TMEM47: variants seen among roughly 807,000 people sequenced by gnomAD.
The protein encoded by TMEM47 is transmembrane protein 47, also known as brain cell membrane protein 1.
In TMEM47, 3 loss-of-function variants were observed where a neutral mutation model predicts 12.4. That is an observed-to-expected ratio of 0.24 (90% confidence interval 0.11 to 0.63). The LOEUF (loss-of-function observed/expected upper bound fraction) is 0.63, where lower values mean the gene tolerates loss of function less well. TMEM47 is among the 20% of genes least tolerant of loss of function. The pLI, the probability that TMEM47 is intolerant of heterozygous loss-of-function variation, is 0.86. For missense variants in TMEM47, 89 were observed against 143.8 expected, an observed-to-expected ratio of 0.62 and a Z score of 1.95; for synonymous variants, 62 against 63.3, an observed-to-expected ratio of 0.98 and a Z score of 0.10.
At chrX:34,631,612 C>G (rs1437768289) in intron 2 of TMEM47, among the ~76,000 whole-genome samples, 2 of 111,967 alleles carry the variant, frequency 1.8e-5, no homozygotes, top group African/African-American at 3.2e-5. Context: ...CAAAACTTAG[C>G]TCTTAGTCCC....
intron 1 of TMEM47, among the ~76,000 whole-genome samples, chrX:34,653,556 T>C (rs185524148): frequency 1.4e-3 from 159 of 111,597 alleles, no homozygotes; most frequent in Non-Finnish European, 2.1e-3. Context: ...TCCTTAGAGG[T>C]TATAGAGCAC....
At chrX:34,654,329 T>C (rs927780879) in intron 1 of TMEM47, among the ~76,000 whole-genome samples, 16 of 111,814 alleles carry the variant, frequency 1.4e-4, no homozygotes, top group African/African-American at 2.9e-4. Flanking sequence ...TTAAAGATCC[T>C]GGTGAAGGGC....
intron 1 of TMEM47, among the ~76,000 whole-genome samples, chrX:34,646,387 G>T (rs1921911272): frequency 8.9e-6 from 1 of 111,789 alleles, no homozygotes; most frequent in African/African-American, 3.2e-5. Flanking sequence ...GTTAAGGCAA[G>T]TTCCAGTATT....
intron 2 of TMEM47, among the ~76,000 whole-genome samples, chrX:34,638,698 TC>T (rs1480175919): frequency 4.4e-5 from 5 of 112,404 alleles, no homozygotes. Context: ...TCCCGTCTTT[TC>T]ATTTCATTGG....
At chrX:34,653,838 A>G (rs1336395266) in intron 1 of TMEM47, among the ~76,000 whole-genome samples, 2 of 111,570 alleles carry the variant, frequency 1.8e-5, no homozygotes, top group Admixed American at 1.9e-4. Context: ...GCGTATTCTA[A>G]ACTTCCTAAC....
intron 2 of TMEM47, among the ~76,000 whole-genome samples, chrX:34,633,916 G>T (rs1464666030): frequency 9.0e-6 from 1 of 110,987 alleles, no homozygotes; most frequent in African/African-American, 3.3e-5. Flanking sequence ...TGAATTATTC[G>T]ACTCCCTTTG....
Position 34,630,093 on chromosome X carries a change from T to C in TMEM47, c.*220A>G. On this transcript the variant is annotated 3_prime_UTR_variant, in exon 3 of 3. Transcript: ENST00000275954. ...ATGAACATATTGGAAGTTTGCAGCA[T>C]TTGCCTATGTCTAATCAGCTCTCTT... The C allele has an allele frequency of 6.1e-6, 2 of 329,161 alleles. No individual in the cohort carries two copies. The highest frequency in any genetic ancestry group is 2.6e-5 in the African/African-American group (1 of 38,942). 27.1% of individuals were successfully genotyped at this position (329,161 alleles called of 1,213,427 possible). A position where few individuals can be genotyped will look rare whatever the true frequency, so the allele number is the denominator to read the frequency against.
intron 1 of TMEM47, among the ~76,000 whole-genome samples, chrX:34,654,393 C>T (rs1456235373): frequency 8.9e-6 from 1 of 111,777 alleles, no homozygotes; most frequent in East Asian, 2.8e-4. Context: ...TTTTGAAAGA[C>T]AAAGATGTGG....
At chrX:34,632,861 C>T (rs1921650116) in intron 2 of TMEM47, among the ~76,000 whole-genome samples, 1 of 111,264 alleles carries the variant, frequency 9.0e-6, no homozygotes, top group African/African-American at 3.3e-5. Flanking sequence ...GAAAAGGGAG[C>T]TTTCATGTTT....
chrX:34,640,012 C>T (rs1212286237), intron 1 of TMEM47, among the ~76,000 whole-genome samples: 4 of 111,443 alleles, frequency 3.6e-5, no homozygotes, highest in African/African-American at 1.3e-4. Flanking sequence ...TTTTTTATTG[C>T]TATTTCTTGG....
At chrX:34,631,570 C>T (rs763380027) in intron 2 of TMEM47, among the ~76,000 whole-genome samples, 2 of 111,965 alleles carry the variant, frequency 1.8e-5, no homozygotes, top group South Asian at 7.4e-4. Flanking sequence ...TACAGGAAAA[C>T]CTAGGCCAAT....
intron 2 of TMEM47, among the ~76,000 whole-genome samples, chrX:34,636,342 G>A (rs1921715983): frequency 9.0e-6 from 1 of 111,521 alleles, no homozygotes; most frequent in Non-Finnish European, 1.9e-5. Flanking sequence ...AATCCTTATA[G>A]GAGGCTTTCT....
In TMEM47 at chrX:34,645,619, A is replaced by G. The variant is rs1921897206; in HGVS notation, c.227-6232T>C. Reference sequence around the variant, plus strand: ...TGCATTCTGACCTAAATTTGTCAATACTGCATTAATTTTCCACCACTCTGT... The same window carrying G: ...TGCATTCTGACCTAAATTTGTCAATGCTGCATTAATTTTCCACCACTCTGT... On this transcript the variant is annotated intron_variant, in intron 1 of 2. Coordinates refer to ENST00000275954, the MANE Select transcript of TMEM47 (RefSeq NM_031442.4). Among the ~76,000 whole-genome samples, 4 of 111,909 alleles carry G rather than the reference A, an allele frequency of 3.6e-5. No individual in the cohort carries two copies. The Admixed American group carries it at 3.8e-4, about 11-fold the overall frequency.
intron 1 of TMEM47, among the ~76,000 whole-genome samples, chrX:34,641,404 A>T (rs370502277): frequency 1.3e-4 from 15 of 112,203 alleles, no homozygotes; most frequent in African/African-American, 4.8e-4. Context: ...ACTGTTAGCA[A>T]CTTTCCCTAA....
intron 1 of TMEM47, among the ~76,000 whole-genome samples, chrX:34,644,750 G>A (rs1342803451): frequency 9.0e-6 from 1 of 111,692 alleles, no homozygotes; most frequent in African/African-American, 3.2e-5. Context: ...TACTGTTTAG[G>A]TGGGTAGTAT....
At chrX:34,656,402 C>A (rs1013329348) in intron 1 of TMEM47, among the ~76,000 whole-genome samples, 25 of 109,914 alleles carry the variant, frequency 2.3e-4, no homozygotes, top group Non-Finnish European at 4.0e-4. Flanking sequence ...GAACAGCGAA[C>A]CCCCGCAGCA....
intron 2 of TMEM47, among the ~76,000 whole-genome samples, chrX:34,633,549 A>T (rs751610557): frequency 2.4e-4 from 27 of 111,576 alleles, no homozygotes; most frequent in Non-Finnish European, 4.7e-4. Context: ...ACAGCCTGTG[A>T]ACCATATCTG....
intron 2 of TMEM47, among the ~76,000 whole-genome samples, chrX:34,634,062 G>A (rs1392226672): frequency 6.3e-5 from 7 of 110,495 alleles, no homozygotes; most frequent in Non-Finnish European, 1.1e-4. Flanking sequence ...ATGCTGTAGA[G>A]GGAAGAAAAA....
intron 2 of TMEM47, among the ~76,000 whole-genome samples, chrX:34,635,986 C>A (rs1374844158): frequency 8.9e-6 from 1 of 111,911 alleles, no homozygotes; most frequent in Non-Finnish European, 1.9e-5. Context: ...GTATCCATTT[C>A]TTTTCTTTTT....
Sources: allele counts gnomAD v4.1 joint callset (sites outside exome capture counted in the v4.1 genomes callset), GRCh38; gene constraint gnomAD v4.1.1; transcripts MANE v1.5; gene names NCBI Gene and HGNC (gene_info 2026-07-23, HGNC 2026-07-21).